Variants in KIAA1549 observed in about 807,000 individuals in gnomAD.
The protein encoded by KIAA1549 is KIAA1549, also known as UPF0606 protein KIAA1549.
KIAA1549 carries 70 observed loss-of-function variants against 156.4 expected under a neutral mutation model. The observed-to-expected ratio is 0.45, with a 90% confidence interval of 0.37 to 0.55. The LOEUF is 0.55. Among genes scored for constraint, KIAA1549 ranks in the 20% least tolerant of loss-of-function variants. The pLI is 0.00. For synonymous variants in KIAA1549, 1,103 were observed against 1,066.4 expected, an observed-to-expected ratio of 1.03 and a Z score of -0.67; for missense variants, 2,428 against 2,540.9, an observed-to-expected ratio of 0.96 and a Z score of 0.96.
At chr7:138,838,664 T>C (rs1809820014) in intron 19 of KIAA1549, among the ~76,000 whole-genome samples, 1 of 151,848 alleles carries the variant, frequency 6.6e-6, no homozygotes, top group Non-Finnish European at 1.5e-5. Context: ...CTTTTCAGAT[T>C]TTTTTTTCAT....
At chr7:138,867,908 C>G in intron 15 of KIAA1549, 67 bp downstream of exon 15, 1 of 1,547,414 alleles carries the variant, frequency 6.5e-7, no homozygotes. Flanking sequence ...CTTCTCCTCC[C>G]CTTTCAGCGC....
chr7:138,857,773 A>G (rs1236115960), intron 16 of KIAA1549, among the ~76,000 whole-genome samples: 2 of 152,200 alleles, frequency 1.3e-5, no homozygotes, highest in Admixed American at 1.3e-4. Context: ...TATGAGATCT[A>G]TTTTGGCTAA....
chr7:138,942,019 G>A (rs1382268454), intron 1 of KIAA1549, among the ~76,000 whole-genome samples: 1 of 152,102 alleles, frequency 6.6e-6, no homozygotes, highest in Non-Finnish European at 1.5e-5. Context: ...AGCTCATGTG[G>A]CCAATAGCCA....
At chr7:138,926,926 CCCTT>C (rs1309210446) in intron 1 of KIAA1549, among the ~76,000 whole-genome samples, 1 of 152,180 alleles carries the variant, frequency 6.6e-6, no homozygotes, top group Non-Finnish European at 1.5e-5. Context: ...CTTCCCAACT[CCCTT>C]CCTTCCCACT....
At chr7:138,887,272 T>C (rs576984459) in intron 10 of KIAA1549, among the ~76,000 whole-genome samples, 2 of 152,204 alleles carry the variant, frequency 1.3e-5, no homozygotes, top group African/African-American at 4.8e-5. Context: ...TTATTTAAAT[T>C]AATTATTAAA....
intron 1 of KIAA1549, among the ~76,000 whole-genome samples, chr7:138,973,082 A>AGGG (rs1814267803): frequency 1.3e-5 from 2 of 152,184 alleles, no homozygotes; most frequent in Non-Finnish European, 2.9e-5. Flanking sequence ...TGGGCCTCCC[A>AGGG]AAGTGCTGGG....
chr7:138,924,023 T>C (rs1161193614), intron 1 of KIAA1549, among the ~76,000 whole-genome samples: 1 of 152,214 alleles, frequency 6.6e-6, no homozygotes. Context: ...AGTTGTTTCA[T>C]AGCAATATTA....
chr7:138,891,948 AAC>A (rs760002473), intron 10 of KIAA1549, among the ~76,000 whole-genome samples: 2 of 152,218 alleles, frequency 1.3e-5, no homozygotes, highest in South Asian at 4.1e-4. Flanking sequence ...TCCCATTTTA[AAC>A]ACACGACAAA....
At position 138,837,732 on chromosome 7, in the gene KIAA1549, G is replaced by GCTCAT. The variant is rs1379650900; in HGVS notation, c.*169_*173dup. ...CAGACAATTGCCAGCCCAGTGAAAG[G>GCTCAT]CTCATGAGCTGTCACACGACGTATG... On this transcript the variant is annotated 3_prime_UTR_variant, in exon 20 of 20. Transcript: ENST00000422774. 3 of 659,310 alleles carry GCTCAT rather than the reference G, an allele frequency of 4.6e-6. No homozygotes were observed. Among genetic ancestry groups the GCTCAT allele is most frequent in the Non-Finnish European group, 7.6e-6 (3 of 393,566 alleles). The allele number at this position is 659,310 out of a possible 1,614,324, so 40.8% of individuals were successfully genotyped here.
At chr7:138,892,898 T>TA (rs1811581583) in intron 10 of KIAA1549, among the ~76,000 whole-genome samples, 1 of 152,230 alleles carries the variant, frequency 6.6e-6, no homozygotes. Flanking sequence ...ATCAAGCTTT[T>TA]AAAGCAGGAT....
chr7:138,958,221 C>T (rs1813727716), intron 1 of KIAA1549, among the ~76,000 whole-genome samples: 1 of 149,556 alleles, frequency 6.7e-6, no homozygotes, highest in South Asian at 2.1e-4. Flanking sequence ...GTTCAGCCTG[C>T]CTGGCGCCCA....
intron 7 of KIAA1549, among the ~76,000 whole-genome samples, chr7:138,904,551 T>C (rs747678108): frequency 6.6e-6 from 1 of 151,124 alleles, no homozygotes; most frequent in African/African-American, 2.4e-5. Flanking sequence ...TTCAGACTTT[T>C]GTGCACTAGG....
At chr7:138,932,381 C>T (rs888941835) in intron 1 of KIAA1549, among the ~76,000 whole-genome samples, 1 of 151,098 alleles carries the variant, frequency 6.6e-6, no homozygotes, top group Non-Finnish European at 1.5e-5. Flanking sequence ...AGAAAGACAG[C>T]ATGTCTGGAA....
At chr7:138,887,939 C>T (rs774426164) in intron 10 of KIAA1549, among the ~76,000 whole-genome samples, 14 of 152,192 alleles carry the variant, frequency 9.2e-5, no homozygotes, top group Non-Finnish European at 1.9e-4. Context: ...AAGAACAGTT[C>T]ACTCCCGCAG....
chr7:138,860,167 T>C (rs534282100), intron 16 of KIAA1549, among the ~76,000 whole-genome samples: 7 of 152,358 alleles, frequency 4.6e-5, no homozygotes, highest in African/African-American at 1.7e-4. Flanking sequence ...GTTGTAATTT[T>C]GAAGATAGTT....
intron 15 of KIAA1549, among the ~76,000 whole-genome samples, chr7:138,864,873 G>A (rs1362331014): frequency 6.6e-6 from 1 of 152,214 alleles, no homozygotes; most frequent in Non-Finnish European, 1.5e-5. Flanking sequence ...ACTCAACTCT[G>A]CCTTGCAGCA....
chr7:138,980,999 C>CG, intron 1 of KIAA1549, 84 bp downstream of exon 1: 1 of 1,144,236 alleles, frequency 8.7e-7, no homozygotes, highest in Non-Finnish European at 1.1e-6. Context: ...AGAGGATGGG[C>CG]GGGGAAAGCC....
intron 1 of KIAA1549, among the ~76,000 whole-genome samples, chr7:138,975,729 G>A (rs1449561463): frequency 6.6e-6 from 1 of 152,218 alleles, no homozygotes; most frequent in Non-Finnish European, 1.5e-5. Flanking sequence ...TGAAAGGTGG[G>A]TGGTCACAAC....
intron 17 of KIAA1549, among the ~76,000 whole-genome samples, chr7:138,845,046 T>TA (rs1286367610): frequency 2.0e-5 from 3 of 152,156 alleles, no homozygotes; most frequent in African/African-American, 7.2e-5. Flanking sequence ...AACTTTTTTT[T>TA]ATCTCCAGAC....
Sources: allele counts gnomAD v4.1 joint callset (sites outside exome capture counted in the v4.1 genomes callset), GRCh38; gene constraint gnomAD v4.1.1; transcripts MANE v1.5; gene names NCBI Gene and HGNC (gene_info 2026-07-23, HGNC 2026-07-21).